The following GRSF1 variants were observed in gnomAD, a reference collection of about 807,000 sequenced individuals.
GRSF1 encodes the protein G-rich sequence factor 1.
Under a neutral mutation model 51.1 loss-of-function variants are expected in GRSF1, and 50 were observed. That is an observed-to-expected ratio of 0.98 (90% CI 0.78 to 1.24). The LOEUF is 1.24. Ranked by LOEUF, GRSF1 falls within the 50% of genes most tolerant of loss-of-function variation. The probability of loss-of-function intolerance (pLI) is 0.00; values close to 1 mark genes in which losing one functional copy is unlikely to be tolerated. For synonymous variants in GRSF1, 293 were observed against 253.3 expected (o/e 1.16, Z -1.49); for missense variants, 700 against 639.7 (o/e 1.09, Z -1.02).
At chr4:70,839,119 A>C (rs943209042) in intron 1 of GRSF1, 1 of 1,294,066 alleles carries the variant, frequency 7.7e-7, no homozygotes, top group Non-Finnish European at 1.0e-6. Context: ...CTTCACAACC[A>C]GCCGGCGGAA....
rs1164257053 is a variant in GRSF1, at chr4:70,816,106, G to A, written c.*4781C>T. 3 of 152,150 alleles carry A rather than the reference G, an allele frequency of 2.0e-5. No individual in the cohort carries two copies. The highest frequency in any genetic ancestry group is 2.9e-5 in the Non-Finnish European group (2 of 68,042). 9.4% of individuals were successfully genotyped at this position (152,150 alleles called of 1,614,324 possible). A position where few individuals can be genotyped will look rare whatever the true frequency, so the allele number is the denominator to read the frequency against. On this transcript the variant is annotated 3_prime_UTR_variant, in exon 10 of 10. Coordinates refer to ENST00000254799, the MANE Select transcript of GRSF1 (RefSeq NM_002092.4). Reference sequence around the variant, plus strand: ...GGAAGAAGGGACAGGAGAGAGAGGTGCAGGAATTGACTAGGTGAAAAAATT... The same window carrying A: ...GGAAGAAGGGACAGGAGAGAGAGGTACAGGAATTGACTAGGTGAAAAAATT...
upstream of GRSF1, among the ~76,000 whole-genome samples, chr4:70,841,924 A>C (rs372979810): frequency 2.6e-5 from 4 of 152,252 alleles, no homozygotes; most frequent in East Asian, 7.7e-4. Flanking sequence ...TCCATCTTCC[A>C]GGAAGGGAGG....
chr4:70,827,501 T>TAAAAAGAACAA (rs1733783021), intron 6 of GRSF1, among the ~76,000 whole-genome samples: 3 of 152,146 alleles, frequency 2.0e-5, no homozygotes, highest in African/African-American at 7.2e-5. Context: ...ATTAAATCTT[T>TAAAAAGAACAA]AGGCCGGGTG....
rs372936815 is a variant in GRSF1 at position 70,824,273 on chromosome 4, A to T, written c.*25+21T>A. On this transcript the variant is annotated intron_variant, in intron 9 of 9. Coordinates refer to ENST00000254799, the MANE Select transcript of GRSF1 (RefSeq NM_002092.4). ...GTGTGAGCCACTGCACCCAGCCCAC[A>T]GTATTACCTCTTAAATTTACCTTAT... 1.8e-4 allele frequency: 179 copies of T among 1,012,236 alleles called. No homozygotes were observed. In the African/African-American group the frequency reaches 2.4e-3, roughly 14 times the overall value. The allele number at this position is 1,012,236 out of a possible 1,614,324, so 62.7% of individuals were successfully genotyped here.
chr4:70,836,324 G>A lies in GRSF1; in HGVS notation c.358-10C>T, dbSNP rs2148846762. 3 of 1,540,448 alleles carry A rather than the reference G, an allele frequency of 1.9e-6. No individual in the cohort carries two copies. Among genetic ancestry groups the A allele is most frequent in the Non-Finnish European group, 1.7e-6 (2 of 1,146,378 alleles). On this transcript the variant is annotated splice_polypyrimidine_tract_variant and intron_variant, in intron 1 of 9. Coordinates refer to ENST00000254799, the MANE Select transcript of GRSF1 (RefSeq NM_002092.4). ...AAGTAGTTTTGGACTCCTTCCAAAG[G>A]AAATGAAGAATTGTAAAAAGAGTTG...
chr4:70,832,372 C>G lies in GRSF1; in HGVS notation c.749G>C (p.Gly250Ala). 6.2e-7 allele frequency: 1 copy of G among 1,611,668 alleles called. No individual in the cohort carries two copies. Residue 250 changes from glycine to alanine, a missense_variant, in exon 4 of 10, where the codon GGT (glycine) becomes GCT (alanine). Physicochemically the swap from Gly to Ala is moderately conservative, Grantham distance 60 (BLOSUM62 0). Coordinates refer to ENST00000254799, the MANE Select transcript of GRSF1 (RefSeq NM_002092.4). ...AGGAAGTCCTCTCAAACGAACCACA[C>G]CATCATTTACCACAGGCGAAGATTT... ...QVKSSPVVND[G>A]VVRLRGLPYS...
In GRSF1 at chr4:70,815,994, T is replaced by C. The variant is rs972481300; in HGVS notation, c.*4893A>G. The C allele has an allele frequency of 2.0e-5, 3 of 152,196 alleles. No homozygotes were observed. Among genetic ancestry groups the C allele is most frequent in the East Asian group, 3.8e-4 (2 of 5,202 alleles). The allele number at this position is 152,196 out of a possible 1,614,324, so 9.4% of individuals were successfully genotyped here. On this transcript the variant is annotated 3_prime_UTR_variant, in exon 10 of 10. Transcript: ENST00000254799. ...AGGAACTTACAGAATACATACTGCA[T>C]AAGTGAGTCCGTTATATGAAGTTCT...
chr4:70,826,156 G>T lies in GRSF1; in HGVS notation c.1225C>A (p.Pro409Thr). The T allele has an allele frequency of 6.2e-7, 1 of 1,611,538 alleles. No individual in the cohort carries two copies. The highest frequency in any genetic ancestry group is 8.5e-7 in the Non-Finnish European group (1 of 1,178,312). ...SLHFVHMRGLPFQANAQDIIN... is the reference protein window; with the variant it reads ...SLHFVHMRGLTFQANAQDIIN... ...ATGTCTTGGGCATTGGCTTGGAAAG[G>T]TAATCCTCTCATGTGGACAAAATGC... is the stretch of plus-strand genomic sequence containing the variant. Residue 409 changes from proline to threonine, a missense_variant, in exon 7 of 10, where the codon CCT becomes ACT. Transcript: ENST00000254799.
upstream of GRSF1, among the ~76,000 whole-genome samples, chr4:70,841,718 G>T (rs567135976): frequency 4.6e-5 from 7 of 152,202 alleles, no homozygotes; most frequent in East Asian, 9.6e-4. Flanking sequence ...GGAAAATTCA[G>T]TATTTCTTAG....
At chr4:70,839,120 G>A (rs1177461921) in intron 1 of GRSF1, 2 of 1,300,450 alleles carry the variant, frequency 1.5e-6, no homozygotes, top group East Asian at 5.3e-5. Context: ...TTCACAACCA[G>A]CCGGCGGAAA....
At chr4:70,831,212 G>A (rs28686832) in intron 5 of GRSF1, among the ~76,000 whole-genome samples, 8,220 of 152,080 alleles carry the variant, frequency 0.054, 535 homozygotes, top group African/African-American at 0.16. Flanking sequence ...AAAAAAAGCC[G>A]GGCATGGTGG....
At chr4:70,840,920 T>TA (rs35293328), upstream of GRSF1, among the ~76,000 whole-genome samples, 6 of 152,088 alleles carry the variant, frequency 3.9e-5, no homozygotes, top group East Asian at 1.9e-4. Context: ...ACCTTGGTTA[T>TA]AAAAAAATCG....
intron 2 of GRSF1, among the ~76,000 whole-genome samples, chr4:70,833,890 A>G (rs1197656605): frequency 2.0e-5 from 3 of 152,040 alleles, no homozygotes; most frequent in African/African-American, 7.2e-5. Flanking sequence ...AAGTGGCTTT[A>G]AAAAAAAGTT....
chr4:70,830,759 G>A (rs978901278), intron 5 of GRSF1, among the ~76,000 whole-genome samples: 1 of 151,580 alleles, frequency 6.6e-6, no homozygotes, highest in Non-Finnish European at 1.5e-5. Context: ...GCAGAGAGAG[G>A]ATGCAGTGAG....
At chr4:70,833,366 G>T in intron 2 of GRSF1, 93 bp from the exon 3 acceptor site, 1 of 1,077,990 alleles carries the variant, frequency 9.3e-7, no homozygotes, top group Non-Finnish European at 1.4e-6. Context: ...CAACAACAAA[G>T]CAGGAAACAA....
upstream of GRSF1, among the ~76,000 whole-genome samples, chr4:70,840,582 G>T (rs1179028138): frequency 6.6e-6 from 1 of 152,190 alleles, no homozygotes; most frequent in Non-Finnish European, 1.5e-5. Context: ...GGCCAACATG[G>T]TGAAACTGTG....
chr4:70,831,517 C>T, intron 5 of GRSF1, 22 bp downstream of exon 5: 1 of 1,605,006 alleles, frequency 6.2e-7, no homozygotes, highest in African/African-American at 1.3e-5. Context: ...ACTTCTGCAT[C>T]ATTAGTATCT....
At chr4:70,835,459 A>AATT (rs1455880586) in intron 2 of GRSF1, among the ~76,000 whole-genome samples, 1 of 131,180 alleles carries the variant, frequency 7.6e-6, no homozygotes, top group Non-Finnish European at 1.6e-5. Context: ...AGTATGATGG[A>AATT]TTTTTTTTTT....
intron 5 of GRSF1, 133 bp downstream of exon 5, chr4:70,831,406 G>T: frequency 1.5e-6 from 1 of 680,962 alleles, no homozygotes; most frequent in Admixed American, 3.5e-5. Context: ...CTAAATTATG[G>T]GCATTTGATG....
Sources: allele counts gnomAD v4.1 joint callset (sites outside exome capture counted in the v4.1 genomes callset), GRCh38; gene constraint gnomAD v4.1.1; transcripts MANE v1.5; gene names NCBI Gene and HGNC (gene_info 2026-07-23, HGNC 2026-07-21).